The following MCM3AP variants were observed in gnomAD, a reference collection of about 807,000 sequenced individuals.
MCM3AP encodes germinal-center associated nuclear protein.
MCM3AP carries 126 observed loss-of-function variants against 184.1 expected under a neutral mutation model. That is an observed-to-expected ratio of 0.68 (90% CI 0.59 to 0.79). MCM3AP has a LOEUF of 0.79. Ranked by LOEUF, MCM3AP falls within the 30% of genes least tolerant of loss-of-function variation. MCM3AP has a pLI of 0.00. For missense variants in MCM3AP, 2,496 were observed against 2,479.2 expected (o/e 1.01, Z -0.14); for synonymous variants, 1,002 against 979.3 (o/e 1.02, Z -0.43).
At position 46,285,217 on chromosome 21, in the gene MCM3AP, T is replaced by G. The variant is rs1220555336; in HGVS notation, c.70A>C (p.Thr24Pro). ...AFSASSSNVG[T>P]LPSKPPFRFG... is the part of the protein sequence containing the mutation. ...CGAAATGGCGGCTTAGATGGAAGTGTTCCTACATTACTAGAAGACGCCGAA... is the reference window on the plus strand; with the variant it reads ...CGAAATGGCGGCTTAGATGGAAGTGGTCCTACATTACTAGAAGACGCCGAA... The change falls in exon 1 of 28, where the codon ACA becomes CCA. Residue 24 changes from threonine (T) to proline (P), a missense_variant. Around this residue, in one of 5 missense-constraint regions of MCM3AP, gnomAD observed 800 missense variants for 717.1 expected, o/e 1.12. Coordinates refer to ENST00000291688, the MANE Select transcript of MCM3AP (RefSeq NM_003906.5). The G allele has an allele frequency of 1.2e-6, 2 of 1,614,222 alleles. No individual in the cohort carries two copies. The highest frequency in any genetic ancestry group is 2.2e-5 in the East Asian group (1 of 44,888).
At chr21:46,236,766 TC>T in intron 27 of MCM3AP, 62 bp downstream of exon 27, 1 of 1,146,942 alleles carries the variant, frequency 8.7e-7, no homozygotes. Flanking sequence ...ATTACTTTTT[TC>T]CCCAGCCATT....
At position 46,246,325 on chromosome 21, in the gene MCM3AP, A is replaced by T. The variant is rs148239784; in HGVS notation, c.4629T>A (p.Asp1543Glu). 1.1e-4 allele frequency: 179 copies of T among 1,608,214 alleles called. No individual in the cohort carries two copies. The East Asian group carries it at 3.4e-3, about 30-fold the overall frequency. ...TVTEIPDTIN[D>E]LQGSTKVLQA... ...ACCTTACCTTAGTTGAACCTTGTAG[A>T]TCATTAATGGTATCAGGGATCTCGG... Residue 1543 changes from aspartate (D) to glutamate (E), a missense_variant, in exon 22 of 28, where the codon GAT becomes GAA. By Grantham distance (45) the Asp-to-Glu change is conservative. Transcript: ENST00000291688.
Position 46,235,240 on chromosome 21 carries a change from G to A in MCM3AP, c.*28C>T, listed in dbSNP as rs1220243932. Reference sequence around the variant, plus strand: ...GAGTAAAAACAGAAACTCTTCGGGAGAGACCCCCTCCCCACAGGTCAGGCT... The same window carrying A: ...GAGTAAAAACAGAAACTCTTCGGGAAAGACCCCCTCCCCACAGGTCAGGCT... On this transcript the variant is annotated 3_prime_UTR_variant, in exon 28 of 28. Coordinates refer to ENST00000291688, the MANE Select transcript of MCM3AP (RefSeq NM_003906.5). 3 of 1,611,134 alleles carry A rather than the reference G, an allele frequency of 1.9e-6. No homozygotes were observed. The highest frequency in any genetic ancestry group is 3.3e-5 in the Admixed American group (2 of 59,800).
chr21:46,280,352 G>A (rs933729406), intron 3 of MCM3AP, 145 bp downstream of exon 3: 1 of 818,774 alleles, frequency 1.2e-6, no homozygotes, highest in Non-Finnish European at 1.9e-6. Flanking sequence ...TGGACCAAGA[G>A]CATGAGAAAC....
rs562096694 is a variant in MCM3AP at position 46,245,017 on chromosome 21, C to G, written c.4828G>C (p.Glu1610Gln). Residue 1610 changes from glutamate (E) to glutamine (Q), a missense_variant, in exon 23 of 28, where the codon GAG becomes CAG. By Grantham distance (29) the Glu-to-Gln change is conservative. This residue lies in a region of MCM3AP where 1,323 missense variants were observed against 1,273.4 expected (regional missense o/e 1.04). Coordinates refer to ENST00000291688, the MANE Select transcript of MCM3AP (RefSeq NM_003906.5). ...LASQEPGAII[E>Q]LFNSVLQFLA... ...AACTGCAGCACACTGTTAAACAGCTCAATGATGGCGCCAGGCTCCTGAGAA... is the reference window on the plus strand; with the variant it reads ...AACTGCAGCACACTGTTAAACAGCTGAATGATGGCGCCAGGCTCCTGAGAA... 51 of 1,614,202 alleles carry G rather than the reference C, an allele frequency of 3.2e-5. 2 individuals carry two copies. The South Asian group carries it at 5.6e-4, about 18-fold the overall frequency.
In MCM3AP at chr21:46,264,143, A is replaced by G; in HGVS notation, c.3309T>C (p.Gly1103=). ...CCAGGGCGGCAGCTGCGTAGGCAGC[A>G]CCCGCAGAGCCAACTTCCTCACAGT... ...QRDCEEVGSA[G]AAYAAAALGV... The change falls in exon 13 of 28, where the codon GGT becomes GGC. Residue 1103 remains glycine, a synonymous_variant. Coordinates refer to ENST00000291688, the MANE Select transcript of MCM3AP (RefSeq NM_003906.5). The G allele has an allele frequency of 6.2e-7, 1 of 1,613,752 alleles. No individual in the cohort carries two copies. The highest frequency in any genetic ancestry group is 8.5e-7 in the Non-Finnish European group (1 of 1,179,750).
intron 9 of MCM3AP, among the ~76,000 whole-genome samples, chr21:46,269,658 C>A (rs1308925914): frequency 6.6e-6 from 1 of 152,186 alleles, no homozygotes; most frequent in Non-Finnish European, 1.5e-5. Context: ...ATCCTCCCCA[C>A]GCTGTGGCCA....
chr21:46,264,262 G>T (rs1271821289), intron 12 of MCM3AP, 45 bp from the exon 13 acceptor site: 2 of 1,250,146 alleles, frequency 1.6e-6, no homozygotes, highest in South Asian at 1.2e-5. Flanking sequence ...TCCCACCCAG[G>T]GCAGAAATGC....
chr21:46,242,969 C>T, intron 24 of MCM3AP, 38 bp from the exon 25 acceptor site: 1 of 1,497,844 alleles, frequency 6.7e-7, no homozygotes, highest in African/African-American at 1.5e-5. Flanking sequence ...AGAGGCCAGC[C>T]TGGCCAACCC....
At chr21:46,266,718 T>C (rs925134625) in intron 10 of MCM3AP, 2 of 480,522 alleles carry the variant, frequency 4.2e-6, no homozygotes, top group Non-Finnish European at 7.4e-6. Flanking sequence ...AGGCCCTAAC[T>C]TTTATCTTTA....
At chr21:46,259,943 G>T (rs1393803729) in intron 15 of MCM3AP, among the ~76,000 whole-genome samples, 1 of 151,528 alleles carries the variant, frequency 6.6e-6, no homozygotes, top group East Asian at 1.9e-4. Context: ...GGGCATGGCG[G>T]TGCATGCCTG....
chr21:46,258,800 T>C (rs1461020479), intron 16 of MCM3AP, 139 bp downstream of exon 16: 2 of 830,310 alleles, frequency 2.4e-6, no homozygotes, highest in Non-Finnish European at 4.1e-6. Flanking sequence ...AATTAGTCTA[T>C]TTTAGGTATT....
At chr21:46,268,561 C>T (rs1163295237) in intron 9 of MCM3AP, among the ~76,000 whole-genome samples, 1 of 152,286 alleles carries the variant, frequency 6.6e-6, no homozygotes, top group East Asian at 1.9e-4. Flanking sequence ...AGCCAAGCCT[C>T]GCCTGGCCTC....
intron 26 of MCM3AP, 86 bp from the exon 27 acceptor site, chr21:46,237,065 CTTT>C: frequency 1.8e-6 from 1 of 562,404 alleles, no homozygotes; most frequent in Non-Finnish European, 2.7e-6. Flanking sequence ...TACTTAAAAA[CTTT>C]TTAAGCCTTT....
intron 21 of MCM3AP, 94 bp downstream of exon 21, chr21:46,246,534 C>G: frequency 6.5e-7 from 1 of 1,546,160 alleles, no homozygotes; most frequent in Non-Finnish European, 8.9e-7. Flanking sequence ...CTCAGTGATT[C>G]CTGACCCCAA....
rs547569289 is a variant in MCM3AP at position 46,272,750 on chromosome 21, G to A, written c.2276C>T (p.Ala759Val). ...EKCTRFHIHC[A>V]HFMCEEPMSS... is the part of the protein sequence containing the mutation. ...CATGGGCTCCTCACACATGAAGTGGGCACAGTGGATGTGAAACCGGGTGCA... is the reference window on the plus strand; with the variant it reads ...CATGGGCTCCTCACACATGAAGTGGACACAGTGGATGTGAAACCGGGTGCA... The change falls in exon 8 of 28, where the codon GCC (alanine) becomes GTC (valine). Residue 759 changes from alanine (A) to valine (V), a missense_variant. Ala to Val is a moderately conservative substitution (Grantham distance 64). Around this residue, in one of 5 missense-constraint regions of MCM3AP, gnomAD observed 105 missense variants for 97.1 expected, o/e 1.08. Coordinates refer to ENST00000291688, the MANE Select transcript of MCM3AP (RefSeq NM_003906.5). The A allele has an allele frequency of 6.2e-7, 1 of 1,614,054 alleles. No individual in the cohort carries two copies. The highest frequency in any genetic ancestry group is 2.2e-5 in the East Asian group (1 of 44,884).
Position 46,244,848 on chromosome 21 carries a change from A to C in MCM3AP, c.4997T>G (p.Leu1666Arg), listed in dbSNP as rs1444286487. 1.2e-6 allele frequency: 2 copies of C among 1,614,172 alleles called. No homozygotes were observed. The highest frequency in any genetic ancestry group is 2.2e-5 in the South Asian group (2 of 91,082). Residue 1666 changes from leucine to arginine, a missense_variant, in exon 23 of 28, where the codon CTC becomes CGC. Around this residue, in one of 5 missense-constraint regions of MCM3AP, gnomAD observed 1,323 missense variants for 1,273.4 expected, o/e 1.04. Transcript: ENST00000291688. ...EHLAWLKQAVLGFQLPQMDLP... is the reference protein window; with the variant it reads ...EHLAWLKQAVRGFQLPQMDLP... ...GTCCATCTGCGGAAGCTGGAACCCG[A>C]GCACAGCCTGCTTCAGCCAGGCCAG...
chr21:46,248,830 C>T (rs941999399), intron 20 of MCM3AP, among the ~76,000 whole-genome samples: 1 of 151,960 alleles, frequency 6.6e-6, no homozygotes, highest in Non-Finnish European at 1.5e-5. Context: ...TCTTTCAGAA[C>T]ACAGTAGGAA....
Position 46,258,976 on chromosome 21 carries a change from G to T in MCM3AP, c.3697C>A (p.Leu1233Ile). Residue 1233 changes from leucine (L) to isoleucine (I), a missense_variant, in exon 16 of 28, where the codon CTC (leucine) becomes ATC (isoleucine). Physicochemically the swap from Leu to Ile is conservative, Grantham distance 5. Coordinates refer to ENST00000291688, the MANE Select transcript of MCM3AP (RefSeq NM_003906.5). ...EEIFQTAKET[L>I]QELQCFCKYL... ...TTGCAGAAGCACTGAAGCTCCTGGA[G>T]GGTCTCCTTTGCAGTCTGGAAGATT... 6.2e-7 allele frequency: 1 copy of T among 1,614,124 alleles called. No homozygotes were observed.
Sources: allele counts gnomAD v4.1 joint callset (sites outside exome capture counted in the v4.1 genomes callset), GRCh38; gene constraint gnomAD v4.1.1; regional missense constraint gnomAD v4.1.1; transcripts MANE v1.5; gene names NCBI Gene and HGNC (gene_info 2026-07-23, HGNC 2026-07-21).